LINGO2: variants seen among roughly 807,000 people sequenced by gnomAD.
LINGO2 encodes the protein leucine rich repeat and Ig domain containing 2, also known as leucine-rich repeat and immunoglobulin-like domain-containing nogo receptor-interacting protein 2.
LINGO2 carries 14 observed loss-of-function variants against 30.6 expected under a neutral mutation model. That is an observed-to-expected ratio of 0.46 (90% CI 0.30 to 0.72). The LOEUF (loss-of-function observed/expected upper bound fraction) is 0.72. LINGO2 is among the 30% of genes least tolerant of loss of function. The probability of loss-of-function intolerance (pLI) is 0.07; values close to 1 mark genes in which losing one functional copy is unlikely to be tolerated. For synonymous variants in LINGO2, 317 were observed against 288.5 expected (o/e 1.10, Z -1.00); for missense variants, 729 against 751.7 (o/e 0.97, Z 0.35).
At chr9:27,975,962 T>C (rs12002691) in intron 5 of LINGO2, among the ~76,000 whole-genome samples, 6,094 of 152,176 alleles carry the variant, frequency 0.04, 390 homozygotes, top group African/African-American at 0.14. Context: ...AAGTGTCTAT[T>C]AGGCCTCATT....
chr9:28,951,757 G>C, the LINGO2 span, among the ~76,000 whole-genome samples: 65 of 152,202 alleles, frequency 4.3e-4, no homozygotes, highest in Non-Finnish European at 7.5e-4. Context: ...TAAGGGTGGA[G>C]GTGCTTCCTG....
At chr9:28,061,068 A>G (rs748479854) in intron 4 of LINGO2, among the ~76,000 whole-genome samples, 14 of 151,726 alleles carry the variant, frequency 9.2e-5, no homozygotes, top group Non-Finnish European at 1.9e-4. Flanking sequence ...TCTTGATACA[A>G]TCGTCATACT....
At chr9:28,528,560 C>A (rs888543777) in intron 1 of LINGO2, among the ~76,000 whole-genome samples, 1 of 152,112 alleles carries the variant, frequency 6.6e-6, no homozygotes, top group Non-Finnish European at 1.5e-5. Context: ...TAATTGAACA[C>A]TGCTTACATT....
the LINGO2 span, among the ~76,000 whole-genome samples, chr9:28,715,506 A>G: frequency 6.6e-6 from 1 of 152,120 alleles, no homozygotes; most frequent in South Asian, 2.1e-4. Context: ...ACGGAATTAG[A>G]GAAGTGGAAG....
At chr9:29,207,139 T>C in the LINGO2 span, among the ~76,000 whole-genome samples, 3 of 151,718 alleles carry the variant, frequency 2.0e-5, no homozygotes, top group Non-Finnish European at 4.4e-5. Context: ...ACAGAATATA[T>C]ATATATAAAG....
At chr9:28,995,281 A>T in the LINGO2 span, among the ~76,000 whole-genome samples, 1 of 152,224 alleles carries the variant, frequency 6.6e-6, no homozygotes, top group Non-Finnish European at 1.5e-5. Flanking sequence ...GCTCACCATC[A>T]CTGGCCATCA....
the LINGO2 span, among the ~76,000 whole-genome samples, chr9:28,932,177 G>C: frequency 3.2e-4 from 42 of 133,122 alleles, no homozygotes; most frequent in African/African-American, 9.7e-4. Flanking sequence ...GGGGCCGGGG[G>C]GGATCTTGGC....
chr9:28,761,769 A>G, the LINGO2 span, among the ~76,000 whole-genome samples: 1 of 151,998 alleles, frequency 6.6e-6, no homozygotes, highest in Non-Finnish European at 1.5e-5. Flanking sequence ...ATTAGCTAAC[A>G]CAAATGGTCA....
chr9:28,287,598 G>A (rs541123070), intron 4 of LINGO2, among the ~76,000 whole-genome samples: 2 of 152,186 alleles, frequency 1.3e-5, no homozygotes, highest in Non-Finnish European at 2.9e-5. Context: ...AGTGCATGCC[G>A]TGTTCTCGAG....
intron 4 of LINGO2, among the ~76,000 whole-genome samples, chr9:28,278,759 C>T (rs1823219387): frequency 6.6e-6 from 1 of 152,194 alleles, no homozygotes. Flanking sequence ...ATTAACACAA[C>T]ATTCATTCTG....
chr9:28,436,707 T>G (rs1823953347), intron 2 of LINGO2, among the ~76,000 whole-genome samples: 2 of 152,288 alleles, frequency 1.3e-5, no homozygotes, highest in East Asian at 1.9e-4. Flanking sequence ...TCCGCCCGCC[T>G]TGGCCTCCCA....
intron 4 of LINGO2, among the ~76,000 whole-genome samples, chr9:28,193,318 T>G (rs1819887947): frequency 1.3e-5 from 2 of 152,290 alleles, no homozygotes; most frequent in South Asian, 4.1e-4. Flanking sequence ...TAGAAATTTT[T>G]GCATAAAATT....
At chr9:28,718,357 T>A in the LINGO2 span, among the ~76,000 whole-genome samples, 1 of 152,050 alleles carries the variant, frequency 6.6e-6, no homozygotes, top group African/African-American at 2.4e-5. Flanking sequence ...TTGAGTCTCC[T>A]GGCAGCCCTC....
intron 1 of LINGO2, among the ~76,000 whole-genome samples, chr9:28,557,620 C>A (rs1447964606): frequency 6.6e-6 from 1 of 151,638 alleles, no homozygotes; most frequent in Non-Finnish European, 1.5e-5. Flanking sequence ...CTAGAAATAC[C>A]ATTTGACCCA....
intron 5 of LINGO2, among the ~76,000 whole-genome samples, chr9:27,958,584 T>C (rs1368630343): frequency 6.6e-6 from 1 of 152,180 alleles, no homozygotes. Flanking sequence ...ACTTTTATTA[T>C]AGTATATTTT....
chr9:28,973,801 C>A, the LINGO2 span, among the ~76,000 whole-genome samples: 1 of 152,076 alleles, frequency 6.6e-6, no homozygotes, highest in Non-Finnish European at 1.5e-5. Flanking sequence ...GCAAAAATAT[C>A]CTTCAAACAT....
At chr9:29,099,553 C>A in the LINGO2 span, among the ~76,000 whole-genome samples, 1 of 151,856 alleles carries the variant, frequency 6.6e-6, no homozygotes, top group Non-Finnish European at 1.5e-5. Flanking sequence ...AATTAATAAT[C>A]CAATTTTAAA....
chr9:29,053,007 A>T, the LINGO2 span, among the ~76,000 whole-genome samples: 2 of 151,916 alleles, frequency 1.3e-5, no homozygotes, highest in Admixed American at 6.6e-5. Flanking sequence ...TCATCATTTT[A>T]AAAAAAAGGT....
intron 3 of LINGO2, among the ~76,000 whole-genome samples, chr9:28,371,204 A>G (rs1451102993): frequency 3.3e-5 from 5 of 152,222 alleles, no homozygotes; most frequent in African/African-American, 1.2e-4. Context: ...CCATTTATCT[A>G]TGGAGTACAG....
Sources: gnomAD v4.1 joint callset for allele counts (sites outside exome capture counted in the v4.1 genomes callset) on GRCh38, gnomAD v4.1.1 for gene constraint, MANE v1.5 for transcripts, NCBI Gene and HGNC (gene_info 2026-07-23, HGNC 2026-07-21) for gene names.